The following PTPN13 variants were observed in gnomAD, a reference collection of about 807,000 sequenced individuals.
PTPN13 encodes tyrosine-protein phosphatase non-receptor type 13.
PTPN13 carries 191 observed loss-of-function variants against 284.0 expected under a neutral mutation model. The ratio of observed to expected loss-of-function variants is 0.67; its 90% CI spans 0.60 to 0.76. The LOEUF (loss-of-function observed/expected upper bound fraction) is 0.76, where lower values mean the gene tolerates loss of function less well. Among genes scored for constraint, PTPN13 ranks in the 30% least tolerant of loss-of-function variants. PTPN13 has a pLI of 0.00. For missense variants in PTPN13, 2,797 were observed against 2,939.9 expected (o/e 0.95, Z 1.12); for synonymous variants, 986 against 1,022.3 (o/e 0.96, Z 0.68).
At chr4:86,651,633 C>G (rs927848258) in intron 2 of PTPN13, among the ~76,000 whole-genome samples, 1 of 152,084 alleles carries the variant, frequency 6.6e-6, no homozygotes, top group Non-Finnish European at 1.5e-5. Context: ...TGATGGGAGA[C>G]TTTTTATTAC....
intron 5 of PTPN13, chr4:86,689,750 G>A (rs758381332): frequency 2.8e-6 from 2 of 701,974 alleles, no homozygotes; most frequent in South Asian, 3.0e-5. Context: ...CTCTTGTTTT[G>A]GATATGAAGA....
At chr4:86,716,919 A>T (rs531554633) in intron 8 of PTPN13, 105 bp from the exon 9 acceptor site, 163 of 751,358 alleles carry the variant, frequency 2.2e-4, no homozygotes, top group Non-Finnish European at 3.3e-4. Context: ...TGTTCTGTGG[A>T]TTAGATTTGT....
rs560927625 is a variant in PTPN13, at chr4:86,730,906, G to C, written c.1609-1494G>C. Among the ~76,000 whole-genome samples the C allele has an allele frequency of 4.6e-5, 7 of 152,292 alleles. No homozygotes were observed. In the South Asian group the frequency reaches 1.5e-3, roughly 32 times the overall value. ...TGTGTCGATCACACTGGGAGCTGCA[G>C]ACTGGAGCTGTTCCTATTCGGCTAT... On this transcript the variant is annotated intron_variant, in intron 10 of 47. Transcript: ENST00000411767.
At chr4:86,705,333 C>CAAAA (rs759784072) in intron 7 of PTPN13, among the ~76,000 whole-genome samples, 1 of 95,386 alleles carries the variant, frequency 1.0e-5, no homozygotes, top group African/African-American at 4.0e-5. Flanking sequence ...GACTCCGTCT[C>CAAAA]AAAAAAAAAA....
intron 33 of PTPN13, 95 bp from the exon 34 acceptor site, chr4:86,775,076 A>G (rs988893924): frequency 2.3e-6 from 2 of 860,484 alleles, no homozygotes; most frequent in Non-Finnish European, 3.5e-6. Context: ...GCTAATATAT[A>G]TTATAAATTA....
At position 86,666,653 on chromosome 4, in the gene PTPN13, T is replaced by C. The variant is rs201509818; in HGVS notation, c.116-5712T>C. Among the ~76,000 whole-genome samples, 6 of 152,334 alleles carry C rather than the reference T, an allele frequency of 3.9e-5. No individual in the cohort carries two copies. The East Asian group carries it at 9.6e-4, about 24-fold the overall frequency. On this transcript the variant is annotated intron_variant, in intron 2 of 47. Coordinates refer to ENST00000411767, the MANE Select transcript of PTPN13 (RefSeq NM_080683.3). ...GAGAGAAGAAAAAGAGACTCCCGAA[T>C]TGGAATTTCAGCCCAGAATGGGAGT... is the stretch of plus-strand genomic sequence containing the variant.
chr4:86,772,993 A>C, intron 32 of PTPN13, 35 bp downstream of exon 32: 1 of 1,402,074 alleles, frequency 7.1e-7, no homozygotes. Flanking sequence ...AAAAAAATCC[A>C]TATTTTTTAA....
chr4:86,677,794 T>A (rs900099753), intron 3 of PTPN13, among the ~76,000 whole-genome samples: 25 of 152,192 alleles, frequency 1.6e-4, no homozygotes, highest in Non-Finnish European at 2.6e-4. Flanking sequence ...GGAGTGTTAA[T>A]GGCTTAATGT....
At chr4:86,706,186 G>C (rs1197275667) in intron 7 of PTPN13, among the ~76,000 whole-genome samples, 1 of 152,122 alleles carries the variant, frequency 6.6e-6, no homozygotes, top group East Asian at 1.9e-4. Context: ...AGACTAGTTT[G>C]CCAAAGGAGA....
chr4:86,790,903 A>G (rs10032126), intron 40 of PTPN13, among the ~76,000 whole-genome samples: 24,965 of 152,106 alleles, frequency 0.16, 2,999 homozygotes, highest in African/African-American at 0.33. Context: ...GAACAGCTCC[A>G]GTCTGCCACT....
chr4:86,764,229 A>G (rs1739027241), intron 24 of PTPN13, among the ~76,000 whole-genome samples: 2 of 152,194 alleles, frequency 1.3e-5, no homozygotes, highest in Non-Finnish European at 2.9e-5. Context: ...CCAGGATTAT[A>G]TAAAAGCCAG....
At chr4:86,652,543 G>A (rs540420610) in intron 2 of PTPN13, among the ~76,000 whole-genome samples, 2 of 152,216 alleles carry the variant, frequency 1.3e-5, no homozygotes, top group South Asian at 4.1e-4. Flanking sequence ...ATTCTAGGTT[G>A]GAACAGTTTT....
At position 86,758,984 on chromosome 4, in the gene PTPN13, T is replaced by C. The variant is rs1222484761; in HGVS notation, c.3464T>C (p.Val1155Ala). 1.2e-6 allele frequency: 2 copies of C among 1,613,572 alleles called. No individual in the cohort carries two copies. The highest frequency in any genetic ancestry group is 8.5e-7 in the Non-Finnish European group (1 of 1,179,714). ...GTGAATAGTGTGAGTCTGGAGGGAG[T>C]CAGCCACCATGCTGCAATTGAAATT... ...ISVNSVSLEG[V>A]SHHAAIEILQ... The change falls in exon 23 of 48, where the codon GTC becomes GCC. Residue 1155 changes from valine to alanine, a missense_variant. Physicochemically the swap from Val to Ala is moderately conservative, Grantham distance 64 (BLOSUM62 0). Transcript: ENST00000411767.
At position 86,732,431 on chromosome 4, in the gene PTPN13, C is replaced by A. The variant is rs765343825; in HGVS notation, c.1640C>A (p.Thr547Lys). ...TTTGGCCCTGAGTTTGTGAAAATGA[C>A]AATTGAACCATTTATATCTTTGGAT... ...NFFGPEFVKM[T>K]IEPFISLDLP... The change falls in exon 11 of 48, where the codon ACA (threonine) becomes AAA (lysine). Residue 547 changes from threonine (T) to lysine (K), a missense_variant. Thr to Lys is a moderately conservative substitution (Grantham distance 78). Coordinates refer to ENST00000411767, the MANE Select transcript of PTPN13 (RefSeq NM_080683.3). 1 of 1,600,944 alleles carries A rather than the reference C, an allele frequency of 6.2e-7. No individual in the cohort carries two copies. Among genetic ancestry groups the A allele is most frequent in the South Asian group, 1.1e-5 (1 of 88,832 alleles).
At chr4:86,720,917 G>A (rs1007711283) in intron 9 of PTPN13, among the ~76,000 whole-genome samples, 16 of 151,942 alleles carry the variant, frequency 1.1e-4, no homozygotes, top group African/African-American at 3.1e-4. Flanking sequence ...GTCTTTCAGT[G>A]ACCAAAAAGG....
chr4:86,814,094 G>A (rs920258051), intron 47 of PTPN13, among the ~76,000 whole-genome samples: 3 of 129,456 alleles, frequency 2.3e-5, no homozygotes, highest in East Asian at 2.7e-4. Context: ...TGCAACCTCC[G>A]CCTCCTGTGT....
chr4:86,608,227 C>G (rs906343698), intron 1 of PTPN13, among the ~76,000 whole-genome samples: 1 of 152,000 alleles, frequency 6.6e-6, no homozygotes, highest in Non-Finnish European at 1.5e-5. Flanking sequence ...ATAGGGAGAA[C>G]CAACCTATTT....
chr4:86,792,112 A>G (rs1341136455), intron 40 of PTPN13, among the ~76,000 whole-genome samples: 1 of 152,216 alleles, frequency 6.6e-6, no homozygotes, highest in Non-Finnish European at 1.5e-5. Context: ...AACCTTGAAA[A>G]AAAGGTTAGA....
At chr4:86,663,034 T>C (rs1387526808) in intron 2 of PTPN13, among the ~76,000 whole-genome samples, 2 of 152,040 alleles carry the variant, frequency 1.3e-5, no homozygotes, top group African/African-American at 4.8e-5. Context: ...AATGAGTAAA[T>C]ATAGAAAGTG....
Sources: allele counts gnomAD v4.1 joint callset (sites outside exome capture counted in the v4.1 genomes callset), GRCh38; gene constraint gnomAD v4.1.1; transcripts MANE v1.5; gene names NCBI Gene and HGNC (gene_info 2026-07-23, HGNC 2026-07-21).